DNAH3: variants seen among roughly 807,000 people sequenced by gnomAD.
DNAH3 encodes axonemal beta dynein heavy chain 3.
In DNAH3, 332 loss-of-function variants were observed where a neutral mutation model predicts 432.5. That is an observed-to-expected ratio of 0.77 (90% CI 0.70 to 0.84). DNAH3 has a LOEUF of 0.84. Ranked by LOEUF, DNAH3 falls within the 40% of genes least tolerant of loss-of-function variation. The pLI, the probability that DNAH3 is intolerant of heterozygous loss-of-function variation, is 0.00. For missense variants in DNAH3, 4,861 were observed against 5,114.0 expected (o/e 0.95, Z 1.51); for synonymous variants, 1,956 against 1,900.2 (o/e 1.03, Z -0.76).
At chr16:20,934,485 T>C (rs532129410) in intron 61 of DNAH3, among the ~76,000 whole-genome samples, 1 of 152,282 alleles carries the variant, frequency 6.6e-6, no homozygotes, top group Admixed American at 6.5e-5. Context: ...TGGGCAGGAA[T>C]CATCTAACAC....
chr16:21,152,919 C>G (rs766099934), intron 1 of DNAH3, among the ~76,000 whole-genome samples: 1 of 152,204 alleles, frequency 6.6e-6, no homozygotes, highest in Non-Finnish European at 1.5e-5. Context: ...GCCTCCCCGA[C>G]GAGCGCCACC....
In DNAH3 at chr16:21,138,823, AC is replaced by A. The variant is rs113235261; in HGVS notation, c.696+1712del. On this transcript the variant is annotated intron_variant, in intron 5 of 61. Transcript: ENST00000261383. ...AGACTCCCTCTAATAAAAAAAAAAA[AC>A]AACACAGAGACTTTGGTATCAGCCA... is the stretch of plus-strand genomic sequence containing the variant. Among the ~76,000 whole-genome samples, 636 of 148,744 alleles carry A rather than the reference AC, an allele frequency of 4.3e-3. 6 individuals are homozygous for A. The highest frequency in any genetic ancestry group is 0.014 in the African/African-American group (557 of 38,870).
intron 23 of DNAH3, among the ~76,000 whole-genome samples, chr16:21,067,768 G>C (rs1295405907): frequency 3.8e-5 from 1 of 26,280 alleles, no homozygotes; most frequent in Non-Finnish European, 6.9e-5. Flanking sequence ...GGGGGGGGGG[G>C]TGGGGAGGGA....
chr16:21,079,277 ATGAGAATAATATT>A (rs762860204), intron 20 of DNAH3, among the ~76,000 whole-genome samples: 1 of 152,176 alleles, frequency 6.6e-6, no homozygotes, highest in Non-Finnish European at 1.5e-5. Context: ...CATCTGTAAA[ATGAGAATAATATT>A]AGGACGGTAG....
At chr16:21,041,938 G>C in intron 32 of DNAH3, 89 bp downstream of exon 32, 1 of 1,491,566 alleles carries the variant, frequency 6.7e-7, no homozygotes, top group African/African-American at 1.4e-5. Context: ...CTCCCAAAGT[G>C]CTGGGATTAT....
At position 21,028,213 on chromosome 16, in the gene DNAH3, A is replaced by T. The variant is rs1231749171; in HGVS notation, c.5440-1086T>A. On this transcript the variant is annotated intron_variant, in intron 37 of 61. Coordinates refer to ENST00000261383, the Ensembl canonical transcript of DNAH3. Reference sequence around the variant, plus strand: ...TCAATGTTTCCATAATATATTTTTTAAAATTTTTTTTGTAGAGACAGGATC... The same window carrying T: ...TCAATGTTTCCATAATATATTTTTTTAAATTTTTTTTGTAGAGACAGGATC... 2.6e-5 allele frequency among the ~76,000 whole-genome samples: 4 copies of T among 152,018 alleles called. No individual in the cohort carries two copies. The East Asian group carries it at 7.7e-4, about 29-fold the overall frequency.
intron 44 of DNAH3, 129 bp downstream of exon 44, chr16:20,997,154 C>T: frequency 1.2e-6 from 1 of 810,964 alleles, no homozygotes; most frequent in Non-Finnish European, 2.0e-6. Flanking sequence ...CCTACACATG[C>T]TTCTGCTCCA....
chr16:20,939,795 A>G (rs1275926857), intron 59 of DNAH3, among the ~76,000 whole-genome samples: 1 of 152,160 alleles, frequency 6.6e-6, no homozygotes, highest in African/African-American at 2.4e-5. Context: ...TGGTCTTGGA[A>G]GCAGAAGTGA....
At chr16:20,997,590 G>A (rs1221285305) in intron 43 of DNAH3, 128 bp from the exon 44 acceptor site, 2 of 1,113,662 alleles carry the variant, frequency 1.8e-6, no homozygotes, top group Non-Finnish European at 2.5e-6. Flanking sequence ...TTCCAGTTAG[G>A]GCTTAGTCAA....
At chr16:20,947,651 A>G (rs1045461690) in intron 57 of DNAH3, among the ~76,000 whole-genome samples, 1 of 152,174 alleles carries the variant, frequency 6.6e-6, no homozygotes, top group African/African-American at 2.4e-5. Context: ...TAACCTCCAC[A>G]CATTTGGTCA....
At chr16:20,997,563 C>A (rs2086816793) in intron 43 of DNAH3, 101 bp from the exon 44 acceptor site, 10 of 1,370,736 alleles carry the variant, frequency 7.3e-6, no homozygotes, top group Non-Finnish European at 1.0e-5. Flanking sequence ...AATCTGTTCC[C>A]AGGTTTCCAT....
At position 20,964,040 on chromosome 16, in the gene DNAH3, T is replaced by C. The variant is rs201557496; in HGVS notation, c.9844A>G (p.Met3282Val). ...GTCTCGTCAATCTGCGTTTCTGTCA[T>C]GGAAGCAACTTTCTGTTTCTCTGAG... The change falls in exon 53 of 62, where the codon ATG (methionine) becomes GTG (valine). Residue 3282 changes from methionine (M) to valine (V), a missense_variant. By Grantham distance (21) the Met-to-Val change is conservative. Coordinates refer to ENST00000261383, the Ensembl canonical transcript of DNAH3. 1.8e-5 allele frequency: 29 copies of C among 1,614,196 alleles called. No homozygotes were observed. The highest frequency in any genetic ancestry group is 5.3e-5 in the African/African-American group (4 of 75,056).
rs746685595 is a variant in DNAH3, at chr16:21,051,634, C to G, written c.4238+36G>C. 58 of 1,604,006 alleles carry G rather than the reference C, an allele frequency of 3.6e-5. No homozygotes were observed. In the South Asian group the frequency reaches 6.1e-4, roughly 17 times the overall value. On this transcript the variant is annotated intron_variant, in intron 29 of 61. Transcript: ENST00000261383. Reference sequence around the variant, plus strand: ...AGAGTCTTCTTCCCCTGGAGTTCTCCGTTCACCCCTCAGATCTAGGAGCTC... The same window carrying G: ...AGAGTCTTCTTCCCCTGGAGTTCTCGGTTCACCCCTCAGATCTAGGAGCTC...
chr16:21,123,238 T>C (rs2092380795), intron 9 of DNAH3, among the ~76,000 whole-genome samples: 1 of 151,724 alleles, frequency 6.6e-6, no homozygotes, highest in Non-Finnish European at 1.5e-5. Flanking sequence ...TATTTCCAAT[T>C]CCCTACAAAA....
At position 21,134,631 on chromosome 16, in the gene DNAH3, T is replaced by C. The variant is rs190129106; in HGVS notation, c.887-177A>G. ...CCTCAGCCTGCCAAAGTGCTGGGAT[T>C]ACAGGCATGAGTTGCTATGCCTGGC... On this transcript the variant is annotated intron_variant, in intron 6 of 61. Coordinates refer to ENST00000261383, the Ensembl canonical transcript of DNAH3. Among the ~76,000 whole-genome samples the C allele has an allele frequency of 4.4e-3, 673 of 152,304 alleles. 15 individuals carry two copies. The highest frequency in any genetic ancestry group is 1.0e-3 in the Non-Finnish European group (69 of 68,022).
chr16:20,980,290 T>TATACATCATATATTATAAG (rs2085825548), intron 49 of DNAH3, among the ~76,000 whole-genome samples: 1 of 123,892 alleles, frequency 8.1e-6, no homozygotes, highest in Non-Finnish European at 1.8e-5. Flanking sequence ...TATATTATAA[T>TATACATCATATATTATAAG]ATACATCATA....
At chr16:21,039,475 G>T (rs2089329028) in intron 33 of DNAH3, among the ~76,000 whole-genome samples, 1 of 151,950 alleles carries the variant, frequency 6.6e-6, no homozygotes, top group Non-Finnish European at 1.5e-5. Context: ...CGCCTTGCCT[G>T]CCAAAGTGCT....
chr16:21,130,937 C>T (rs1424794672), intron 7 of DNAH3, among the ~76,000 whole-genome samples: 2 of 152,056 alleles, frequency 1.3e-5, no homozygotes, highest in Admixed American at 1.3e-4. Context: ...AAAGCAATAC[C>T]TTAATTTGTT....
At chr16:21,077,132 T>C (rs988637850) in intron 20 of DNAH3, among the ~76,000 whole-genome samples, 1 of 152,032 alleles carries the variant, frequency 6.6e-6, no homozygotes, top group Non-Finnish European at 1.5e-5. Context: ...TCCATCTTTG[T>C]TTATGCCTTA....
Sources: gnomAD v4.1 joint callset for allele counts (sites outside exome capture counted in the v4.1 genomes callset) on GRCh38, gnomAD v4.1.1 for gene constraint, MANE v1.5 for transcripts, NCBI Gene and HGNC (gene_info 2026-07-23, HGNC 2026-07-21) for gene names.